The following NUBPL variants were observed in gnomAD, a reference collection of about 807,000 sequenced individuals.
NUBPL encodes iron-sulfur cluster transfer protein NUBPL.
Under a neutral mutation model 45.7 loss-of-function variants are expected in NUBPL, and 31 were observed. The observed-to-expected ratio is 0.68, with a 90% confidence interval of 0.51 to 0.92. The LOEUF (loss-of-function observed/expected upper bound fraction) is 0.92. Ranked by LOEUF, NUBPL falls within the 40% of genes least tolerant of loss-of-function variation. The probability of loss-of-function intolerance (pLI) is 0.00; values close to 1 mark genes in which losing one functional copy is unlikely to be tolerated. For synonymous variants in NUBPL, 144 were observed against 140.9 expected (o/e 1.02, Z -0.15); for missense variants, 401 against 398.7 (o/e 1.01, Z -0.05).
intron 6 of NUBPL, among the ~76,000 whole-genome samples, chr14:31,694,333 G>A (rs1259613231): frequency 2.0e-5 from 3 of 152,092 alleles, no homozygotes; most frequent in African/African-American, 7.2e-5. Flanking sequence ...CCAGTTCTTT[G>A]AAACATTTGT....
At chr14:31,724,819 A>G (rs1391861041) in intron 6 of NUBPL, among the ~76,000 whole-genome samples, 1 of 152,184 alleles carries the variant, frequency 6.6e-6, no homozygotes. Flanking sequence ...ACATTGATTA[A>G]TGATCCATGC....
rs397972624 is a variant in NUBPL at position 31,769,662 on chromosome 14, T to TAAA, written c.514-18110_514-18108dup. On this transcript the variant is annotated intron_variant, in intron 6 of 10. Transcript: ENST00000281081. ...TATAAGGTAACCCTCTCCTTTTTTTTAAAAAAAAAAGCTTCTTTGTTATTT... is the reference window on the plus strand; with the variant it reads ...TATAAGGTAACCCTCTCCTTTTTTTTAAAAAAAAAAAAAGCTTCTTTGTTATTT... Among the ~76,000 whole-genome samples the TAAA allele has an allele frequency of 7.2e-3, 1,079 of 149,248 alleles. 10 individuals are homozygous for TAAA. The highest frequency in any genetic ancestry group is 0.025 in the African/African-American group (1,011 of 41,018).
intron 3 of NUBPL, among the ~76,000 whole-genome samples, chr14:31,580,771 T>A (rs963680825): frequency 5.3e-5 from 8 of 152,130 alleles, no homozygotes; most frequent in African/African-American, 1.7e-4. Flanking sequence ...AGAATCAACT[T>A]GGATTATATG....
At chr14:31,788,939 G>A (rs1421365986) in intron 7 of NUBPL, among the ~76,000 whole-genome samples, 1 of 152,118 alleles carries the variant, frequency 6.6e-6, no homozygotes, top group East Asian at 1.9e-4. Context: ...TATTTTTTAG[G>A]CAGAACATGA....
chr14:31,711,618 C>T (rs142959943), intron 6 of NUBPL, among the ~76,000 whole-genome samples: 2 of 151,958 alleles, frequency 1.3e-5, no homozygotes, highest in African/African-American at 2.4e-5. Flanking sequence ...GTGAGTGTTA[C>T]GGTTCTTAAA....
At chr14:31,779,787 G>A (rs1402939005) in intron 6 of NUBPL, among the ~76,000 whole-genome samples, 1 of 152,186 alleles carries the variant, frequency 6.6e-6, no homozygotes, top group African/African-American at 2.4e-5. Context: ...TTCCTTAGAA[G>A]CATAACTTTT....
intron 4 of NUBPL, among the ~76,000 whole-genome samples, chr14:31,654,658 C>T (rs1799349455): frequency 6.6e-6 from 1 of 152,122 alleles, no homozygotes; most frequent in Non-Finnish European, 1.5e-5. Flanking sequence ...ATCTACCCAC[C>T]TCGGCCTCCC....
At chr14:31,774,263 T>G (rs12590375) in intron 6 of NUBPL, among the ~76,000 whole-genome samples, 56,215 of 152,086 alleles carry the variant, frequency 0.37, 12,736 homozygotes, top group East Asian at 0.6. Flanking sequence ...AAGTGTAAGT[T>G]GACCCTATGG....
intron 6 of NUBPL, among the ~76,000 whole-genome samples, chr14:31,712,798 T>A (rs1048769523): frequency 6.6e-6 from 1 of 152,222 alleles, no homozygotes; most frequent in Non-Finnish European, 1.5e-5. Flanking sequence ...TTTAATCACG[T>A]GCAGCAGCTG....
intron 3 of NUBPL, among the ~76,000 whole-genome samples, chr14:31,591,613 C>A (rs2034145155): frequency 6.6e-6 from 1 of 151,990 alleles, no homozygotes; most frequent in Admixed American, 6.5e-5. Context: ...GAATAGACTG[C>A]AAAGAAATTT....
At chr14:31,670,093 A>G (rs527946800) in intron 4 of NUBPL, among the ~76,000 whole-genome samples, 2 of 152,254 alleles carry the variant, frequency 1.3e-5, no homozygotes, top group East Asian at 3.9e-4. Context: ...TTACACCTCC[A>G]TCACCAGTGT....
At position 31,715,738 on chromosome 14, in the gene NUBPL, CTAGAACATTGCT is replaced by C. The variant is rs1056223904; in HGVS notation, c.513+42165_513+42176del. Among the ~76,000 whole-genome samples, 27 of 152,238 alleles carry C rather than the reference CTAGAACATTGCT, an allele frequency of 1.8e-4. 1 individual carries two copies. The highest frequency in any genetic ancestry group is 1.2e-4 in the Non-Finnish European group (8 of 68,020). Reference sequence around the variant, plus strand: ...GTGAGTGGTGAGTGAATGTGATTGCCTAGAACATTGCTGTACACTACTGTAGACTTTATAAAC... The same window carrying C: ...GTGAGTGGTGAGTGAATGTGATTGCCGTACACTACTGTAGACTTTATAAAC... On this transcript the variant is annotated intron_variant, in intron 6 of 10. Coordinates refer to ENST00000281081, the MANE Select transcript of NUBPL (RefSeq NM_025152.3).
intron 10 of NUBPL, among the ~76,000 whole-genome samples, chr14:31,856,414 C>T (rs1021360247): frequency 6.6e-6 from 1 of 152,106 alleles, no homozygotes; most frequent in African/African-American, 2.4e-5. Context: ...AACCATATCA[C>T]TCCACCCCAG....
chr14:31,813,223 A>G (rs112168455), intron 7 of NUBPL, among the ~76,000 whole-genome samples: 11,190 of 151,904 alleles, frequency 0.074, 469 homozygotes, highest in Non-Finnish European at 0.092. Context: ...TCCTGACCTC[A>G]TGATCTGCCT....
chr14:31,701,715 C>T (rs778921233), intron 6 of NUBPL, among the ~76,000 whole-genome samples: 7 of 152,128 alleles, frequency 4.6e-5, no homozygotes, highest in South Asian at 2.1e-4. Context: ...CTGAAGTCAG[C>T]GAGACCACGA....
At chr14:31,834,336 AT>A (rs2040242588) in intron 8 of NUBPL, among the ~76,000 whole-genome samples, 1 of 151,910 alleles carries the variant, frequency 6.6e-6, no homozygotes, top group Non-Finnish European at 1.5e-5. Flanking sequence ...TCCTGCCACC[AT>A]GCCTGGCTAA....
intron 7 of NUBPL, among the ~76,000 whole-genome samples, chr14:31,799,935 C>T (rs2039553327): frequency 6.6e-6 from 1 of 152,216 alleles, no homozygotes; most frequent in Non-Finnish European, 1.5e-5. Flanking sequence ...TCAAAATTGT[C>T]TTCAGTCTTC....
At chr14:31,694,407 A>AT (rs1161902734) in intron 6 of NUBPL, among the ~76,000 whole-genome samples, 2 of 152,054 alleles carry the variant, frequency 1.3e-5, no homozygotes, top group Admixed American at 6.5e-5. Context: ...CTTTTTGGGC[A>AT]TTTTTTCACT....
rs1017484560 is a variant in NUBPL, at chr14:31,783,762, T to A, written c.514-4018T>A. 5.9e-5 allele frequency among the ~76,000 whole-genome samples: 9 copies of A among 152,130 alleles called. No homozygotes were observed. In the South Asian group the frequency reaches 6.2e-4, roughly 11 times the overall value. ...CAAACTCCTGACCTCAAGTGATACG[T>A]GTGCCTTGGCCTCCCAAAGTGCTGG... is the stretch of plus-strand genomic sequence containing the variant. On this transcript the variant is annotated intron_variant, in intron 6 of 10. Coordinates refer to ENST00000281081, the MANE Select transcript of NUBPL (RefSeq NM_025152.3).
Sources: gnomAD v4.1 joint callset for allele counts (sites outside exome capture counted in the v4.1 genomes callset) on GRCh38, gnomAD v4.1.1 for gene constraint, MANE v1.5 for transcripts, NCBI Gene and HGNC (gene_info 2026-07-23, HGNC 2026-07-21) for gene names.